The following STAB2 variants were observed in gnomAD, a reference collection of about 807,000 sequenced individuals.
The protein encoded by STAB2 is stabilin-2.
STAB2 carries 288 observed loss-of-function variants against 338.1 expected under a neutral mutation model. That is an observed-to-expected ratio of 0.85 (90% CI 0.77 to 0.94). STAB2 has a LOEUF of 0.94. Ranked by LOEUF, STAB2 falls within the 40% of genes least tolerant of loss-of-function variation. STAB2 has a pLI of 0.00. For synonymous variants in STAB2, 1,202 were observed against 1,193.3 expected, an observed-to-expected ratio of 1.01 and a Z score of -0.15; for missense variants, 3,141 against 3,210.1, an observed-to-expected ratio of 0.98 and a Z score of 0.52.
At chr12:103,656,066 G>A (rs1874156778) in intron 15 of STAB2, among the ~76,000 whole-genome samples, 2 of 152,078 alleles carry the variant, frequency 1.3e-5, no homozygotes, top group Admixed American at 1.3e-4. Flanking sequence ...CTCCACCATG[G>A]GCTTTCAGTT....
rs199933343 is a variant in STAB2, at chr12:103,706,835, C to G, written c.4040C>G (p.Pro1347Arg). Residue 1347 changes from proline to arginine, a missense_variant, in exon 38 of 69, where the codon CCC becomes CGC. Physicochemically the swap from Pro to Arg is moderately radical, Grantham distance 103. Coordinates refer to ENST00000388887, the MANE Select transcript of STAB2 (RefSeq NM_017564.10). ...GGCTTCTTTGGCCCCCAATGCCAGC[C>G]CTGCCCAGGGAATGCCCAGAATGTC... Reference protein sequence around the residue: ...CAGFFGPQCQPCPGNAQNVCF... With the variant: ...CAGFFGPQCQRCPGNAQNVCF... 2.5e-6 allele frequency: 4 copies of G among 1,614,248 alleles called. No individual in the cohort carries two copies. The South Asian group carries it at 3.3e-5, about 13-fold the overall frequency.
At chr12:103,632,866 G>A (rs1438380875) in intron 6 of STAB2, among the ~76,000 whole-genome samples, 1 of 152,224 alleles carries the variant, frequency 6.6e-6, no homozygotes, top group Non-Finnish European at 1.5e-5. Context: ...TTAAGAAATC[G>A]ACCATTCTGC....
intron 58 of STAB2, among the ~76,000 whole-genome samples, chr12:103,748,011 AAAAG>A (rs1298470724): frequency 6.6e-6 from 1 of 151,782 alleles, no homozygotes; most frequent in African/African-American, 2.4e-5. Flanking sequence ...AAAAAAAAAA[AAAAG>A]GGAAGAAGAA....
intron 3 of STAB2, among the ~76,000 whole-genome samples, chr12:103,613,069 C>T (rs538724531): frequency 3.3e-5 from 5 of 152,258 alleles, no homozygotes; most frequent in East Asian, 1.9e-4. Context: ...GAGGGCTACC[C>T]GGCCGTGTGA....
intron 17 of STAB2, among the ~76,000 whole-genome samples, chr12:103,662,337 G>A (rs1389340828): frequency 1.3e-5 from 2 of 152,108 alleles, no homozygotes; most frequent in Non-Finnish European, 2.9e-5. Flanking sequence ...ACTGCAGGGG[G>A]TGGGTGGCAG....
Position 103,732,898 on chromosome 12 carries a change from C to T in STAB2, c.5284-108C>T. 4 of 1,348,528 alleles carry T rather than the reference C, an allele frequency of 3.0e-6. No homozygotes were observed. The South Asian group carries it at 5.6e-5, about 19-fold the overall frequency. 83.5% of individuals were successfully genotyped at this position (1,348,528 alleles called of 1,614,324 possible). ...ATCACCCTTGAACCATCCAGAGTCCCAGTAAGCCACGGGCTTGAGCATGGA... is the reference window on the plus strand; with the variant it reads ...ATCACCCTTGAACCATCCAGAGTCCTAGTAAGCCACGGGCTTGAGCATGGA... On this transcript the variant is annotated intron_variant, in intron 50 of 68. Coordinates refer to ENST00000388887, the MANE Select transcript of STAB2 (RefSeq NM_017564.10).
At chr12:103,688,473 G>C (rs1357178875) in intron 28 of STAB2, among the ~76,000 whole-genome samples, 1 of 152,190 alleles carries the variant, frequency 6.6e-6, no homozygotes. Flanking sequence ...GGGCCAGAAA[G>C]GGGGCTTCAT....
At chr12:103,678,758 C>A (rs1210795326) in intron 25 of STAB2, among the ~76,000 whole-genome samples, 1 of 152,048 alleles carries the variant, frequency 6.6e-6, no homozygotes, top group African/African-American at 2.4e-5. Context: ...TCTCAAACTC[C>A]CGATCTCAGG....
Position 103,686,067 on chromosome 12 carries a change from C to T in STAB2, c.2997+983C>T, listed in dbSNP as rs149205689. On this transcript the variant is annotated intron_variant, in intron 27 of 68. Transcript: ENST00000388887. ...AAGATGATCTTTGTCTTGTTTCCTA[C>T]GTCAGTCCTATTGCTTATAAATATT... Among the ~76,000 whole-genome samples, 238 of 152,272 alleles carry T rather than the reference C, an allele frequency of 1.6e-3. 1 individual carries two copies. Among genetic ancestry groups the T allele is most frequent in the African/African-American group, 5.3e-3 (222 of 41,550 alleles).
chr12:103,672,636 A>G (rs576712041), intron 22 of STAB2, among the ~76,000 whole-genome samples: 1 of 152,160 alleles, frequency 6.6e-6, no homozygotes, highest in African/African-American at 2.4e-5. Flanking sequence ...GTGAAACTCC[A>G]GATTCCTTTA....
intron 17 of STAB2, among the ~76,000 whole-genome samples, chr12:103,662,040 G>T (rs1874669065): frequency 6.6e-6 from 1 of 152,166 alleles, no homozygotes; most frequent in African/African-American, 2.4e-5. Flanking sequence ...GAGGAGATTT[G>T]ATTGCAATAA....
intron 65 of STAB2, among the ~76,000 whole-genome samples, 176 bp downstream of exon 65, chr12:103,759,449 C>T (rs139828781): frequency 2.4e-4 from 36 of 152,338 alleles, no homozygotes; most frequent in African/African-American, 7.9e-4. Flanking sequence ...TGGGCAGCCC[C>T]TACCCCTTGG....
rs766858600 is a variant in STAB2, at chr12:103,706,780, C to T, written c.3997-12C>T. On this transcript the variant is annotated splice_polypyrimidine_tract_variant and intron_variant, in intron 37 of 68. Coordinates refer to ENST00000388887, the MANE Select transcript of STAB2 (RefSeq NM_017564.10). The stretch of plus-strand genomic sequence containing the variant: ...TAGAAGTGCGTTGTCAAGCTTTGTC[C>T]TTCTGTTTCAGACGAGAGAATGCTG... 1.2e-6 allele frequency: 2 copies of T among 1,614,228 alleles called. No homozygotes were observed. The highest frequency in any genetic ancestry group is 1.1e-5 in the South Asian group (1 of 91,082).
chr12:103,640,904 C>T (rs1459522056), intron 9 of STAB2, among the ~76,000 whole-genome samples: 1 of 152,160 alleles, frequency 6.6e-6, no homozygotes, highest in Non-Finnish European at 1.5e-5. Context: ...ATGATTTATA[C>T]TTCATAAGGT....
chr12:103,654,235 G>T (rs1874003286), intron 12 of STAB2, among the ~76,000 whole-genome samples: 1 of 152,232 alleles, frequency 6.6e-6, no homozygotes. Flanking sequence ...TAAAGTGAGT[G>T]ATGAATTTAT....
At chr12:103,691,764 G>A (rs1463393220) in intron 30 of STAB2, among the ~76,000 whole-genome samples, 1 of 152,176 alleles carries the variant, frequency 6.6e-6, no homozygotes, top group African/African-American at 2.4e-5. Flanking sequence ...CCTGCCAGGA[G>A]GGTTTTCTTC....
intron 66 of STAB2, 64 bp downstream of exon 66, chr12:103,761,474 A>G (rs1159491480): frequency 1.4e-5 from 20 of 1,422,292 alleles, no homozygotes; most frequent in Non-Finnish European, 2.0e-5. Flanking sequence ...ACCAACAGGC[A>G]AACCATTACC....
intron 56 of STAB2, among the ~76,000 whole-genome samples, chr12:103,743,024 T>TTC (rs1882712904): frequency 2.0e-4 from 2 of 10,168 alleles, no homozygotes; most frequent in South Asian, 0.015. Context: ...TTTTTTTTTC[T>TTC]TTTTTTTTTT....
At chr12:103,712,487 C>G in intron 41 of STAB2, 44 bp downstream of exon 41, 1 of 1,468,546 alleles carries the variant, frequency 6.8e-7, no homozygotes, top group Non-Finnish European at 9.5e-7. Context: ...GCAAGGCTTG[C>G]ACAGGCTATT....
Sources: allele counts gnomAD v4.1 joint callset (sites outside exome capture counted in the v4.1 genomes callset), GRCh38; gene constraint gnomAD v4.1.1; transcripts MANE v1.5; gene names NCBI Gene and HGNC (gene_info 2026-07-23, HGNC 2026-07-21).